Variants in GRID2 observed in about 807,000 individuals in gnomAD.
The protein encoded by GRID2 is glutamate ionotropic receptor delta type subunit 2, also known as glutamate receptor ionotropic, delta-2.
Under a neutral mutation model 114.8 loss-of-function variants are expected in GRID2, and 33 were observed. The ratio of observed to expected loss-of-function variants is 0.29; its 90% confidence interval spans 0.22 to 0.38. GRID2 has a LOEUF of 0.38. Ranked by LOEUF, GRID2 falls within the 10% of genes least tolerant of loss-of-function variation. The pLI is 1.00. For synonymous variants in GRID2, 505 were observed against 449.9 expected (o/e 1.12, Z -1.55); for missense variants, 1,184 against 1,257.7 (o/e 0.94, Z 0.89).
chr4:92,906,608 T>A (rs554828510), intron 2 of GRID2, among the ~76,000 whole-genome samples: 1 of 152,230 alleles, frequency 6.6e-6, no homozygotes, highest in South Asian at 2.1e-4. Flanking sequence ...TTTAGGACTT[T>A]ACTTATCATT....
At chr4:92,471,830 A>T (rs1362498840) in intron 1 of GRID2, among the ~76,000 whole-genome samples, 2 of 151,366 alleles carry the variant, frequency 1.3e-5, no homozygotes, top group East Asian at 1.9e-4. Flanking sequence ...TTTGCATTTT[A>T]TACAGGCTTA....
intron 4 of GRID2, among the ~76,000 whole-genome samples, chr4:93,160,294 T>G (rs915905945): frequency 4.6e-5 from 7 of 151,734 alleles, no homozygotes; most frequent in African/African-American, 1.7e-4. Context: ...TAAGGTAATA[T>G]CATTGAATGC....
chr4:93,177,509 CGTA>C lies in GRID2; in HGVS notation c.736-29894_736-29892del, dbSNP rs375378108. Among the ~76,000 whole-genome samples the C allele has an allele frequency of 4.2e-3, 632 of 152,180 alleles. 8 individuals are homozygous for C. The highest frequency in any genetic ancestry group is 0.015 in the African/African-American group (609 of 41,520). On this transcript the variant is annotated intron_variant, in intron 4 of 15. Transcript: ENST00000282020. ...GCAAAGAAATCAAGATTTAAACCCACGTATATCCGATTCTTGAGCAAAAGTGTT... is the reference window on the plus strand; with the variant it reads ...GCAAAGAAATCAAGATTTAAACCCACTATCCGATTCTTGAGCAAAAGTGTT...
intron 2 of GRID2, among the ~76,000 whole-genome samples, chr4:92,735,783 G>C (rs1264002707): frequency 6.6e-6 from 1 of 151,786 alleles, no homozygotes; most frequent in Non-Finnish European, 1.5e-5. Flanking sequence ...CAGGTGGATT[G>C]AATGTCTGTT....
At chr4:92,773,323 G>T (rs1358011827) in intron 2 of GRID2, among the ~76,000 whole-genome samples, 1 of 152,088 alleles carries the variant, frequency 6.6e-6, no homozygotes, top group Non-Finnish European at 1.5e-5. Flanking sequence ...TTAGGTTCTA[G>T]TTCCCTAAAA....
At chr4:92,407,113 G>A (rs1560611264) in intron 1 of GRID2, among the ~76,000 whole-genome samples, 2 of 152,034 alleles carry the variant, frequency 1.3e-5, no homozygotes, top group East Asian at 3.9e-4. Context: ...GTCAGATACT[G>A]CCACTCTTAA....
intron 2 of GRID2, among the ~76,000 whole-genome samples, chr4:92,765,266 G>A (rs967413432): frequency 1.3e-5 from 2 of 152,124 alleles, no homozygotes; most frequent in Non-Finnish European, 2.9e-5. Flanking sequence ...GATGAAGAAT[G>A]TTACAGAACA....
chr4:93,668,931 T>C (rs1010568048), intron 14 of GRID2, among the ~76,000 whole-genome samples: 1 of 152,122 alleles, frequency 6.6e-6, no homozygotes, highest in Non-Finnish European at 1.5e-5. Context: ...GAGCTTTGGA[T>C]AGTTACTTCG....
intron 1 of GRID2, among the ~76,000 whole-genome samples, chr4:92,353,327 G>A (rs1007388750): frequency 6.6e-6 from 1 of 151,260 alleles, no homozygotes; most frequent in Non-Finnish European, 1.5e-5. Flanking sequence ...CAGTGTTTGG[G>A]CTTCATTAGT....
Position 93,085,255 on chromosome 4 carries a change from A to G in GRID2, c.505A>G (p.Ile169Val), listed in dbSNP as rs1337758364. The change falls in exon 3 of 16, where the codon ATT becomes GTT. Residue 169 changes from isoleucine to valine, a missense_variant. Around this residue, in one of 3 missense-constraint regions of GRID2, gnomAD observed 455 missense variants for 429.5 expected, o/e 1.06. Transcript: ENST00000282020. Reference protein sequence around the residue: ...VVTEYAWQKFIIFYDSEYDIR... With the variant: ...VVTEYAWQKFVIFYDSEYDIR... Reference sequence around the variant, plus strand: ...CACAGAGTATGCCTGGCAGAAATTCATTATATTCTATGATAGTGAATACGG... The same window carrying G: ...CACAGAGTATGCCTGGCAGAAATTCGTTATATTCTATGATAGTGAATACGG... 6.8e-6 allele frequency: 11 copies of G among 1,613,252 alleles called. No homozygotes were observed. The highest frequency in any genetic ancestry group is 1.7e-4 in the Middle Eastern group (1 of 6,058).
At chr4:92,355,000 G>A (rs1728247229) in intron 1 of GRID2, among the ~76,000 whole-genome samples, 1 of 151,904 alleles carries the variant, frequency 6.6e-6, no homozygotes, top group African/African-American at 2.4e-5. Flanking sequence ...ATCTTTACAT[G>A]CTGCCTTATT....
At chr4:93,217,815 A>G (rs1230199626) in intron 6 of GRID2, among the ~76,000 whole-genome samples, 1 of 152,152 alleles carries the variant, frequency 6.6e-6, no homozygotes, top group Non-Finnish European at 1.5e-5. Flanking sequence ...ATATTTAAAC[A>G]ATAACCCTGA....
intron 2 of GRID2, among the ~76,000 whole-genome samples, chr4:92,690,691 C>T (rs1455513397): frequency 6.6e-6 from 1 of 152,088 alleles, no homozygotes; most frequent in Non-Finnish European, 1.5e-5. Flanking sequence ...ATTCAGTGAT[C>T]TATATCCTGA....
At chr4:92,930,931 C>A in intron 2 of GRID2, among the ~76,000 whole-genome samples, 1 of 150,834 alleles carries the variant, frequency 6.6e-6, no homozygotes, top group East Asian at 1.9e-4. Context: ...TTAATTCTAT[C>A]AAGCATTTGG....
intron 13 of GRID2, among the ~76,000 whole-genome samples, chr4:93,521,221 G>T (rs1263315264): frequency 6.6e-6 from 1 of 152,162 alleles, no homozygotes; most frequent in African/African-American, 2.4e-5. Context: ...ATGAGAATTT[G>T]TCTCTGGCAT....
chr4:92,986,181 C>A (rs1754500301), intron 2 of GRID2, among the ~76,000 whole-genome samples: 1 of 152,084 alleles, frequency 6.6e-6, no homozygotes, highest in Non-Finnish European at 1.5e-5. Context: ...TTTTCAAATT[C>A]ATTATCCTCA....
chr4:93,723,299 A>C (rs933689189), intron 14 of GRID2, among the ~76,000 whole-genome samples: 9 of 152,276 alleles, frequency 5.9e-5, no homozygotes, highest in Non-Finnish European at 1.0e-4. Flanking sequence ...AATACTTAAT[A>C]ATTTTTGAGA....
rs1553972020 is a variant in GRID2 at position 93,650,917 on chromosome 4, A to AAT, written c.2360+24483_2360+24484dup. ...ATTTTATATACATACTGCAAAAAAAAATTCATTCTGAAAACAAAGGCTTCT... is the reference window on the plus strand; with the variant it reads ...ATTTTATATACATACTGCAAAAAAAAATATTCATTCTGAAAACAAAGGCTTCT... On this transcript the variant is annotated intron_variant, in intron 14 of 15. Coordinates refer to ENST00000282020, the MANE Select transcript of GRID2 (RefSeq NM_001510.4). 7.8e-3 allele frequency among the ~76,000 whole-genome samples: 1,183 copies of AAT among 152,020 alleles called. 20 individuals carry two copies. Among genetic ancestry groups the AAT allele is most frequent in the African/African-American group, 0.027 (1,129 of 41,478 alleles).
chr4:92,479,462 A>G (rs1468049358), intron 1 of GRID2, among the ~76,000 whole-genome samples: 1 of 152,170 alleles, frequency 6.6e-6, no homozygotes, highest in Non-Finnish European at 1.5e-5. Flanking sequence ...TTTTAACTAT[A>G]TTAATCAACA....
Sources: gnomAD v4.1 joint callset for allele counts (sites outside exome capture counted in the v4.1 genomes callset) on GRCh38, gnomAD v4.1.1 for gene constraint, gnomAD v4.1.1 regional missense constraint, MANE v1.5 for transcripts, NCBI Gene and HGNC (gene_info 2026-07-23, HGNC 2026-07-21) for gene names.